DAB1: variants seen among roughly 807,000 people sequenced by gnomAD.
DAB1 encodes the protein disabled homolog 1.
DAB1 carries 15 observed loss-of-function variants against 64.6 expected under a neutral mutation model. That is an observed-to-expected ratio of 0.23 (90% confidence interval 0.16 to 0.36). The LOEUF is 0.36. Ranked by LOEUF, DAB1 falls within the 10% of genes least tolerant of loss-of-function variation. The pLI is 1.00. For missense variants in DAB1, 596 were observed against 706.7 expected (o/e 0.84, Z 1.78); for synonymous variants, 235 against 251.9 (o/e 0.93, Z 0.64).
intron 2 of DAB1, among the ~76,000 whole-genome samples, chr1:57,209,443 A>G (rs1464960864): frequency 6.6e-6 from 1 of 152,214 alleles, no homozygotes; most frequent in Admixed American, 6.5e-5. Context: ...AAAAGCTTCC[A>G]GTGAACACTG....
intron 1 of DAB1, among the ~76,000 whole-genome samples, chr1:58,540,583 G>GT (rs943050486): frequency 6.7e-6 from 1 of 149,896 alleles, no homozygotes; most frequent in African/African-American, 2.5e-5. Flanking sequence ...CAAGAAAACT[G>GT]TAAGAACTAA....
Position 58,435,651 on chromosome 1 carries a change from C to T in DAB1, n.257+70409G>A, listed in dbSNP as rs145164389. ...ATTCCCTCCTGCCTAGCCCCCTTCT[C>T]ATCTACTTTCCTCCTCCCTGTCAGG... On this transcript the variant is annotated intron_variant and non_coding_transcript_variant, in intron 3 of 20. Coordinates refer to the DAB1 transcript ENST00000485760. 1.2e-3 allele frequency among the ~76,000 whole-genome samples: 179 copies of T among 152,252 alleles called. 1 individual carries two copies. Among genetic ancestry groups the T allele is most frequent in the African/African-American group, 4.1e-3 (169 of 41,564 alleles).
At chr1:57,091,791 T>C (rs1653701870) in intron 4 of DAB1, among the ~76,000 whole-genome samples, 1 of 152,254 alleles carries the variant, frequency 6.6e-6, no homozygotes, top group Admixed American at 6.5e-5. Context: ...TAGCTTATAC[T>C]ATTCAATACA....
At chr1:58,391,798 T>TC (rs1644478199) in intron 3 of DAB1, among the ~76,000 whole-genome samples, 1 of 152,130 alleles carries the variant, frequency 6.6e-6, no homozygotes, top group South Asian at 2.1e-4. Flanking sequence ...TGTAAGAATG[T>TC]CCCCCCATCC....
intron 9 of DAB1, among the ~76,000 whole-genome samples, chr1:57,058,368 A>G (rs1650045503): frequency 6.6e-6 from 1 of 152,188 alleles, no homozygotes; most frequent in South Asian, 2.1e-4. Flanking sequence ...AACTTAATGG[A>G]CAATAGATGA....
intron 7 of DAB1, among the ~76,000 whole-genome samples, chr1:57,468,051 C>G (rs1687014206): frequency 6.6e-6 from 1 of 152,194 alleles, no homozygotes; most frequent in Non-Finnish European, 1.5e-5. Flanking sequence ...GCCCCATGCC[C>G]TTATTGGAAT....
At chr1:57,871,178 C>A (rs1643943425) in intron 1 of DAB1, among the ~76,000 whole-genome samples, 1 of 152,088 alleles carries the variant, frequency 6.6e-6, no homozygotes, top group Non-Finnish European at 1.5e-5. Flanking sequence ...GTGTATTCTC[C>A]ATCTAACATC....
intron 4 of DAB1, among the ~76,000 whole-genome samples, chr1:58,295,473 A>G (rs948826714): frequency 6.6e-6 from 1 of 152,108 alleles, no homozygotes; most frequent in Non-Finnish European, 1.5e-5. Flanking sequence ...AGAGCCCACA[A>G]TAGCTTTTGG....
chr1:58,158,387 G>A (rs1203823714), intron 4 of DAB1, among the ~76,000 whole-genome samples: 1 of 152,126 alleles, frequency 6.6e-6, no homozygotes, highest in East Asian at 1.9e-4. Context: ...GAGAAAAGTT[G>A]GGGTGAGTTT....
At chr1:58,329,971 G>A (rs1017441425) in intron 4 of DAB1, among the ~76,000 whole-genome samples, 15 of 152,222 alleles carry the variant, frequency 9.9e-5, no homozygotes, top group African/African-American at 3.6e-4. Context: ...TCAAGTGAAA[G>A]GAAGTCACAT....
intron 2 of DAB1, among the ~76,000 whole-genome samples, chr1:57,196,574 T>C (rs1664640817): frequency 6.6e-6 from 1 of 152,210 alleles, no homozygotes; most frequent in Non-Finnish European, 1.5e-5. Context: ...AACACGGGTG[T>C]AGGCAATCCT....
At chr1:58,487,217 G>C (rs1254415387) in intron 3 of DAB1, among the ~76,000 whole-genome samples, 1 of 152,222 alleles carries the variant, frequency 6.6e-6, no homozygotes, top group Non-Finnish European at 1.5e-5. Context: ...TAATGTACTT[G>C]TTAAAGCAGT....
At chr1:57,988,517 C>T (rs1282825288) in intron 5 of DAB1, among the ~76,000 whole-genome samples, 2 of 152,110 alleles carry the variant, frequency 1.3e-5, no homozygotes, top group Non-Finnish European at 2.9e-5. Context: ...GGGAGAAGAC[C>T]CCTCACACTG....
chr1:57,057,670 T>TGC (rs1649927913), intron 9 of DAB1, among the ~76,000 whole-genome samples: 2 of 150,694 alleles, frequency 1.3e-5, no homozygotes, highest in Non-Finnish European at 2.9e-5. Context: ...TGCAGTGGCA[T>TGC]GATCTCGGCT....
intron 4 of DAB1, among the ~76,000 whole-genome samples, chr1:58,219,891 G>A (rs962122137): frequency 6.6e-6 from 1 of 152,214 alleles, no homozygotes; most frequent in Non-Finnish European, 1.5e-5. Flanking sequence ...CCATGCCAGT[G>A]TCTATCTGTG....
chr1:58,215,576 G>T (rs1288441544), intron 4 of DAB1, among the ~76,000 whole-genome samples: 2 of 152,078 alleles, frequency 1.3e-5, no homozygotes, highest in African/African-American at 4.8e-5. Context: ...TGCAGATTTT[G>T]CACTCTATTA....
chr1:57,061,338 GA>G (rs1444560139), intron 9 of DAB1, among the ~76,000 whole-genome samples: 1 of 151,974 alleles, frequency 6.6e-6, no homozygotes, highest in Non-Finnish European at 1.5e-5. Flanking sequence ...GCAAGGATGA[GA>G]ATCTACCAGA....
intron 7 of DAB1, among the ~76,000 whole-genome samples, chr1:57,589,320 C>G (rs968611640): frequency 6.6e-6 from 1 of 151,776 alleles, no homozygotes; most frequent in South Asian, 2.1e-4. Flanking sequence ...TAATTTAAAC[C>G]AAATGAAAAC....
At chr1:57,048,592 C>G (rs1648823506) in intron 9 of DAB1, among the ~76,000 whole-genome samples, 1 of 152,196 alleles carries the variant, frequency 6.6e-6, no homozygotes, top group Non-Finnish European at 1.5e-5. Context: ...GTGGATTATT[C>G]TGGACAGTAG....
Sources: gnomAD v4.1 joint callset for allele counts (sites outside exome capture counted in the v4.1 genomes callset) on GRCh38, gnomAD v4.1.1 for gene constraint, MANE v1.5 for transcripts, NCBI Gene and HGNC (gene_info 2026-07-23, HGNC 2026-07-21) for gene names.